Variants in ULK4 observed in about 807,000 individuals in gnomAD.
ULK4 encodes unc-51 like kinase 4.
ULK4 carries 133 observed loss-of-function variants against 160.6 expected under a neutral mutation model. The observed-to-expected ratio is 0.83, with a 90% CI of 0.72 to 0.96. The LOEUF is 0.96. ULK4 is among the 40% of genes least tolerant of loss of function. ULK4 has a pLI of 0.00. For missense variants in ULK4, 1,580 were observed against 1,499.5 expected (o/e 1.05, Z -0.89); for synonymous variants, 534 against 539.8 (o/e 0.99, Z 0.15).
chr3:41,271,075 TG>T (rs2079129288), intron 35 of ULK4, among the ~76,000 whole-genome samples: 1 of 152,220 alleles, frequency 6.6e-6, no homozygotes, highest in Non-Finnish European at 1.5e-5. Flanking sequence ...ACAGCTTTAC[TG>T]AAGTTTAACT....
chr3:41,448,638 G>GTCC (rs2083358610), intron 34 of ULK4, among the ~76,000 whole-genome samples: 1 of 152,170 alleles, frequency 6.6e-6, no homozygotes, highest in South Asian at 2.1e-4. Context: ...GGCTCCTGTG[G>GTCC]TCCTGTAAGG....
At chr3:41,450,118 T>C (rs1219990985) in intron 34 of ULK4, among the ~76,000 whole-genome samples, 1 of 152,152 alleles carries the variant, frequency 6.6e-6, no homozygotes, top group African/African-American at 2.4e-5. Context: ...TTTCTTATCA[T>C]AGTTAACTAT....
chr3:41,499,731 CAT>C (rs976648616), intron 32 of ULK4, among the ~76,000 whole-genome samples: 42 of 152,240 alleles, frequency 2.8e-4, no homozygotes, highest in African/African-American at 9.4e-4. Flanking sequence ...AAAAAAATAA[CAT>C]GTGTATGGCA....
intron 27 of ULK4, among the ~76,000 whole-genome samples, chr3:41,702,058 C>T (rs1333110899): frequency 1.3e-5 from 2 of 151,796 alleles, no homozygotes; most frequent in Non-Finnish European, 2.9e-5. Flanking sequence ...CCAAACAGAC[C>T]AACAATTACA....
intron 22 of ULK4, among the ~76,000 whole-genome samples, chr3:41,746,080 C>T (rs541803471): frequency 6.6e-6 from 1 of 151,166 alleles, no homozygotes; most frequent in East Asian, 1.9e-4. Context: ...CCTAAAAATG[C>T]TTTCCCTACA....
chr3:41,347,096 A>C (rs535571742), intron 35 of ULK4, among the ~76,000 whole-genome samples: 11 of 152,290 alleles, frequency 7.2e-5, no homozygotes, highest in African/African-American at 2.4e-4. Flanking sequence ...CATAGGATTC[A>C]TAAGTAAAGA....
chr3:41,379,522 C>T (rs2081599936), intron 35 of ULK4, among the ~76,000 whole-genome samples: 1 of 152,154 alleles, frequency 6.6e-6, no homozygotes, highest in South Asian at 2.1e-4. Flanking sequence ...TTAAACAAGC[C>T]TCAATAACAA....
intron 32 of ULK4, among the ~76,000 whole-genome samples, chr3:41,534,969 G>T (rs2086448126): frequency 6.6e-6 from 1 of 152,132 alleles, no homozygotes; most frequent in Non-Finnish European, 1.5e-5. Flanking sequence ...ATGTGTATGT[G>T]TGTATATACA....
chr3:41,516,672 T>C (rs2085758675), intron 32 of ULK4, among the ~76,000 whole-genome samples: 1 of 115,582 alleles, frequency 8.7e-6, no homozygotes, highest in Non-Finnish European at 1.6e-5. Context: ...GAAGGATGAT[T>C]ACCAGAGGCT....
chr3:41,250,017 A>T (rs1447112698), intron 35 of ULK4, among the ~76,000 whole-genome samples: 1 of 152,218 alleles, frequency 6.6e-6, no homozygotes, highest in Non-Finnish European at 1.5e-5. Context: ...GATGCCAAGA[A>T]GGTGCCTGGG....
At chr3:41,456,372 AT>A (rs1559616332) in intron 33 of ULK4, among the ~76,000 whole-genome samples, 1 of 149,024 alleles carries the variant, frequency 6.7e-6, no homozygotes, top group Non-Finnish European at 1.5e-5. Context: ...CTCTGAGCAT[AT>A]TTATGCACAT....
intron 34 of ULK4, among the ~76,000 whole-genome samples, chr3:41,410,038 C>G (rs2082379633): frequency 6.6e-6 from 1 of 151,950 alleles, no homozygotes; most frequent in South Asian, 2.1e-4. Flanking sequence ...AAAACACAGA[C>G]AGTAACAAGC....
intron 35 of ULK4, among the ~76,000 whole-genome samples, chr3:41,353,700 T>TACTACTACC (rs1427866933): frequency 2.6e-3 from 27 of 10,354 alleles, no homozygotes; most frequent in Non-Finnish European, 4.2e-3. Flanking sequence ...TAATTACAAT[T>TACTACTACC]ACTACTACTA....
chr3:41,591,099 A>G (rs12632213), intron 31 of ULK4, among the ~76,000 whole-genome samples: 1 of 152,110 alleles, frequency 6.6e-6, no homozygotes, highest in South Asian at 2.1e-4. Flanking sequence ...TTAAAAGGGG[A>G]AAAAAAAGAT....
intron 32 of ULK4, among the ~76,000 whole-genome samples, chr3:41,550,780 A>C (rs909065086): frequency 6.6e-6 from 1 of 152,078 alleles, no homozygotes; most frequent in Non-Finnish European, 1.5e-5. Flanking sequence ...TTTAGATCAT[A>C]TGGACCTAAC....
intron 30 of ULK4, among the ~76,000 whole-genome samples, chr3:41,657,628 G>A (rs889731044): frequency 5.3e-5 from 8 of 151,736 alleles, no homozygotes; most frequent in Non-Finnish European, 7.4e-5. Flanking sequence ...GACCAGCCTG[G>A]CCAAGATGGT....
intron 20 of ULK4, among the ~76,000 whole-genome samples, chr3:41,794,475 C>G (rs926245216): frequency 6.6e-6 from 1 of 151,744 alleles, no homozygotes; most frequent in South Asian, 2.1e-4. Context: ...ACCAGCCTGA[C>G]CAACATGGTG....
Position 41,663,631 on chromosome 3 carries a change from G to C in ULK4, c.3047C>G (p.Thr1016Ser). 1.9e-6 allele frequency: 3 copies of C among 1,613,988 alleles called. No homozygotes were observed. Among genetic ancestry groups the C allele is most frequent in the Non-Finnish European group, 2.5e-6 (3 of 1,179,894 alleles). ...AYALKLLVAM[T>S]EHNPTFTRLV... ...CCTTGTGAAAGTTGGGTTGTGTTCA[G>C]TCATCGCGACTAGCAGTTTCAGAGC... Residue 1016 changes from threonine (T) to serine (S), a missense_variant, in exon 30 of 37, where the codon ACT becomes AGT. Coordinates refer to ENST00000301831, the MANE Select transcript of ULK4 (RefSeq NM_017886.4).
rs576174939 is a variant in ULK4 at position 41,844,225 on chromosome 3, G to A, written c.1657-8254C>T. 1.2e-3 allele frequency among the ~76,000 whole-genome samples: 176 copies of A among 152,258 alleles called. 2 individuals carry two copies. The Middle Eastern group carries it at 0.014, about 12-fold the overall frequency. ...TGGGCAGCATGGAGCAGGGGGCGGC[G>A]CTCGCTGGGGAGACTCGGGCTGCAC... On this transcript the variant is annotated intron_variant, in intron 17 of 36. Coordinates refer to ENST00000301831, the MANE Select transcript of ULK4 (RefSeq NM_017886.4).
Sources: gnomAD v4.1 joint callset for allele counts (sites outside exome capture counted in the v4.1 genomes callset) on GRCh38, gnomAD v4.1.1 for gene constraint, MANE v1.5 for transcripts, NCBI Gene and HGNC (gene_info 2026-07-23, HGNC 2026-07-21) for gene names.